The following RIT2 variants were observed in gnomAD, a reference collection of about 807,000 sequenced individuals.
RIT2 encodes GTP-binding protein Rit2.
A neutral mutation model predicts 23.7 loss-of-function variants in RIT2; 24 were observed. That is an observed-to-expected ratio of 1.01 (90% CI 0.73 to 1.43). The LOEUF is 1.43. Ranked by LOEUF, RIT2 falls within the 40% of genes most tolerant of loss-of-function variation. RIT2 has a pLI of 0.00. For missense variants in RIT2, 236 were observed against 266.9 expected (o/e 0.88, Z 0.81); for synonymous variants, 107 against 91.1 (o/e 1.17, Z -0.99).
At chr18:42,856,364 A>C (rs187388021) in intron 4 of RIT2, among the ~76,000 whole-genome samples, 4 of 152,344 alleles carry the variant, frequency 2.6e-5, no homozygotes, top group African/African-American at 9.6e-5. Flanking sequence ...ATCTAGCAGC[A>C]TTAGATCACA....
chr18:42,943,716 T>C (rs747231651), intron 3 of RIT2, among the ~76,000 whole-genome samples: 2 of 152,138 alleles, frequency 1.3e-5, no homozygotes, highest in Non-Finnish European at 2.9e-5. Context: ...TATTAGCCTA[T>C]GGTAGAATTG....
At chr18:43,048,659 A>G (rs1912307387) in intron 1 of RIT2, among the ~76,000 whole-genome samples, 1 of 152,164 alleles carries the variant, frequency 6.6e-6, no homozygotes, top group Admixed American at 6.6e-5. Context: ...TTACTTTTAA[A>G]CCATTTTATT....
At chr18:42,950,121 T>C (rs1370190311) in intron 3 of RIT2, among the ~76,000 whole-genome samples, 1 of 152,142 alleles carries the variant, frequency 6.6e-6, no homozygotes, top group Non-Finnish European at 1.5e-5. Flanking sequence ...AATTATTCTA[T>C]ACTCAACTGC....
Position 42,743,549 on chromosome 18 carries a change from TGTC to T in RIT2, c.595_597del (p.Asp199del), listed in dbSNP as rs756280371. 12 of 1,614,098 alleles carry T rather than the reference TGTC, an allele frequency of 7.4e-6. No individual in the cohort carries two copies. The African/African-American group carries it at 1.3e-4, about 18-fold the overall frequency. ...GAACCTTTGAGCTTCTTCCACAGGCTGTCTTTTCTCTTCAGTTTCTTTTCCATC... is the reference window on the plus strand; with the variant it reads ...GAACCTTTGAGCTTCTTCCACAGGCTTTTTCTCTTCAGTTTCTTTTCCATC... On this transcript the variant is annotated inframe_deletion, in exon 5 of 5. Transcript: ENST00000326695.
At chr18:42,946,101 A>C (rs868736630) in intron 3 of RIT2, among the ~76,000 whole-genome samples, 2 of 152,256 alleles carry the variant, frequency 1.3e-5, no homozygotes, top group African/African-American at 4.8e-5. Context: ...AAAATTTCTC[A>C]AATGCAAAAT....
intron 3 of RIT2, among the ~76,000 whole-genome samples, chr18:42,929,934 A>ACATAGG (rs1428668742): frequency 6.6e-6 from 1 of 152,138 alleles, no homozygotes; most frequent in African/African-American, 2.4e-5. Context: ...TCAGTGAGGA[A>ACATAGG]CATAGGCCTG....
chr18:43,009,884 TTAA>T (rs1412522502), intron 2 of RIT2, among the ~76,000 whole-genome samples: 1 of 151,676 alleles, frequency 6.6e-6, no homozygotes, highest in African/African-American at 2.4e-5. Context: ...AGTCACGTGA[TTAA>T]TGAGCATCTT....
intron 1 of RIT2, among the ~76,000 whole-genome samples, chr18:43,072,928 T>C (rs1342913058): frequency 6.6e-6 from 1 of 152,160 alleles, no homozygotes; most frequent in Non-Finnish European, 1.5e-5. Context: ...ATAATTCTCC[T>C]CCTCAAGCTG....
chr18:43,061,650 C>T (rs546293404), intron 1 of RIT2, among the ~76,000 whole-genome samples: 36 of 152,028 alleles, frequency 2.4e-4, no homozygotes, highest in African/African-American at 7.0e-4. Context: ...ACCAATTGAA[C>T]GGTGCTTTTT....
At chr18:42,763,073 T>C (rs1019448302) in intron 4 of RIT2, among the ~76,000 whole-genome samples, 13 of 152,228 alleles carry the variant, frequency 8.5e-5, no homozygotes, top group Admixed American at 7.9e-4. Context: ...TACATCATAT[T>C]GCTGTGCTGA....
chr18:42,939,683 A>G (rs1372310208), intron 3 of RIT2, among the ~76,000 whole-genome samples: 2 of 152,142 alleles, frequency 1.3e-5, no homozygotes, highest in South Asian at 2.1e-4. Flanking sequence ...TTGCAAAGAA[A>G]AAAAAATGCT....
chr18:42,940,653 T>TTGTTAA (rs1262329094), intron 3 of RIT2, among the ~76,000 whole-genome samples: 1 of 152,110 alleles, frequency 6.6e-6, no homozygotes, highest in African/African-American at 2.4e-5. Context: ...ACAATGTATA[T>TTGTTAA]GCCTCTTTTG....
intron 4 of RIT2, among the ~76,000 whole-genome samples, chr18:42,905,564 G>T (rs573478415): frequency 6.6e-6 from 1 of 151,944 alleles, no homozygotes; most frequent in African/African-American, 2.4e-5. Flanking sequence ...CCTCTGCCTC[G>T]CAGGTTCAAG....
intron 2 of RIT2, 31 bp from the exon 3 acceptor site, chr18:42,974,178 A>C (rs1311833736): frequency 6.8e-7 from 1 of 1,468,360 alleles, no homozygotes; most frequent in Admixed American, 1.7e-5. Context: ...TTTACATTTA[A>C]ATGTGACAGG....
intron 3 of RIT2, among the ~76,000 whole-genome samples, chr18:42,958,564 G>A (rs1244451843): frequency 6.6e-6 from 1 of 151,944 alleles, no homozygotes; most frequent in African/African-American, 2.4e-5. Flanking sequence ...GAGGAGATGA[G>A]GACAAGCTTG....
intron 4 of RIT2, among the ~76,000 whole-genome samples, chr18:42,879,212 T>C (rs1013332979): frequency 1.2e-4 from 18 of 152,172 alleles, no homozygotes; most frequent in African/African-American, 4.3e-4. Flanking sequence ...CTAGAAATTT[T>C]CTCTTTATTT....
Position 42,936,630 on chromosome 18 carries a change from C to G in RIT2, c.235-12867G>C, listed in dbSNP as rs1598721983. 2.0e-5 allele frequency among the ~76,000 whole-genome samples: 3 copies of G among 152,156 alleles called. No homozygotes were observed. The East Asian group carries it at 5.8e-4, about 29-fold the overall frequency. On this transcript the variant is annotated intron_variant, in intron 3 of 4. Coordinates refer to ENST00000326695, the MANE Select transcript of RIT2 (RefSeq NM_002930.4). ...TTTATGCACTATCATACTTAGAACA[C>G]CAATTTAACCCTTAAGTATATATCT...
intron 4 of RIT2, among the ~76,000 whole-genome samples, chr18:42,922,498 C>T (rs894113511): frequency 6.6e-6 from 1 of 152,050 alleles, no homozygotes. Flanking sequence ...ATTAGATTTA[C>T]AAAAATTTGA....
intron 4 of RIT2, among the ~76,000 whole-genome samples, chr18:42,844,266 G>T (rs1175457304): frequency 6.6e-6 from 1 of 152,292 alleles, no homozygotes; most frequent in East Asian, 1.9e-4. Flanking sequence ...TATCAGCTCA[G>T]TTGGCCACTT....
Sources: gnomAD v4.1 joint callset for allele counts (sites outside exome capture counted in the v4.1 genomes callset) on GRCh38, gnomAD v4.1.1 for gene constraint, MANE v1.5 for transcripts, NCBI Gene and HGNC (gene_info 2026-07-23, HGNC 2026-07-21) for gene names.